TMEM163: variants seen among roughly 807,000 people sequenced by gnomAD.
The protein encoded by TMEM163 is transmembrane protein 163.
In TMEM163, 17 loss-of-function variants were observed where a neutral mutation model predicts 29.3. That is an observed-to-expected ratio of 0.58 (90% CI 0.40 to 0.87). TMEM163 has a LOEUF of 0.87. TMEM163 is among the 40% of genes least tolerant of loss of function. The pLI, the probability that TMEM163 is intolerant of heterozygous loss-of-function variation, is 0.00. For synonymous variants in TMEM163, 157 were observed against 160.6 expected (o/e 0.98, Z 0.17); for missense variants, 303 against 381.5 (o/e 0.79, Z 1.71).
At chr2:134,457,706 C>T (rs1292915386) in intron 7 of TMEM163, among the ~76,000 whole-genome samples, 2 of 152,198 alleles carry the variant, frequency 1.3e-5, no homozygotes, top group African/African-American at 4.8e-5. Flanking sequence ...AAGGTGCTTC[C>T]CTGGGGCATC....
intron 5 of TMEM163, among the ~76,000 whole-genome samples, chr2:134,477,157 G>A (rs989587279): frequency 2.0e-5 from 3 of 152,134 alleles, no homozygotes; most frequent in African/African-American, 4.8e-5. Context: ...TTTGTTGTCC[G>A]GCACGTGTCC....
chr2:134,508,748 C>T (rs767353551), intron 4 of TMEM163, among the ~76,000 whole-genome samples: 2 of 152,050 alleles, frequency 1.3e-5, no homozygotes, highest in African/African-American at 2.4e-5. Context: ...TTTCTTCCCT[C>T]AACTCTCCTG....
chr2:134,610,178 C>T (rs1471865724), intron 2 of TMEM163, among the ~76,000 whole-genome samples: 13 of 152,180 alleles, frequency 8.5e-5, no homozygotes, highest in African/African-American at 2.7e-4. Flanking sequence ...CACTGGTGAC[C>T]GGATGGACCC....
chr2:134,459,433 A>G (rs1354188807), intron 6 of TMEM163, among the ~76,000 whole-genome samples: 1 of 92,380 alleles, frequency 1.1e-5, no homozygotes, highest in Non-Finnish European at 2.0e-5. Context: ...CTGTTCCTGT[A>G]ACAGGAACAA....
At chr2:134,571,307 C>G (rs1460797848) in intron 2 of TMEM163, among the ~76,000 whole-genome samples, 1 of 152,170 alleles carries the variant, frequency 6.6e-6, no homozygotes, top group Non-Finnish European at 1.5e-5. Flanking sequence ...GCTTGTGTTT[C>G]TCACAATCAA....
At chr2:134,519,805 G>A (rs980674180) in intron 4 of TMEM163, among the ~76,000 whole-genome samples, 3 of 150,362 alleles carry the variant, frequency 2.0e-5, no homozygotes, top group Non-Finnish European at 4.4e-5. Flanking sequence ...CAGGAGAATC[G>A]CCTGAACCTG....
intron 4 of TMEM163, among the ~76,000 whole-genome samples, chr2:134,541,009 C>T (rs1680652127): frequency 6.6e-6 from 1 of 152,176 alleles, no homozygotes; most frequent in Non-Finnish European, 1.5e-5. Context: ...TAGACCAGTA[C>T]ATTAATTAAA....
chr2:134,675,549 T>C (rs1185435411), intron 2 of TMEM163, among the ~76,000 whole-genome samples: 1 of 152,118 alleles, frequency 6.6e-6, no homozygotes, highest in Non-Finnish European at 1.5e-5. Flanking sequence ...GCTCAGCTCA[T>C]AATATGAGAA....
intron 2 of TMEM163, among the ~76,000 whole-genome samples, chr2:134,573,850 C>T (rs1195077545): frequency 6.6e-6 from 1 of 152,246 alleles, no homozygotes; most frequent in Non-Finnish European, 1.5e-5. Context: ...GGCCATTCTG[C>T]TTGGGATGCA....
chr2:134,591,553 G>A (rs990356103), intron 2 of TMEM163, among the ~76,000 whole-genome samples: 3 of 152,108 alleles, frequency 2.0e-5, no homozygotes, highest in Non-Finnish European at 2.9e-5. Context: ...ATTTTACCCA[G>A]CCCCTATTAA....
intron 5 of TMEM163, among the ~76,000 whole-genome samples, chr2:134,502,110 G>A (rs936188714): frequency 1.2e-4 from 19 of 152,104 alleles, no homozygotes; most frequent in Non-Finnish European, 2.2e-4. Flanking sequence ...TTTTTCAAAA[G>A]TAAAATTAAA....
intron 2 of TMEM163, among the ~76,000 whole-genome samples, chr2:134,559,166 G>A (rs577080165): frequency 3.2e-4 from 48 of 152,090 alleles, no homozygotes; most frequent in Non-Finnish European, 5.6e-4. Context: ...ACGTTCAGAT[G>A]AGGCATGTGC....
chr2:134,537,490 C>T (rs1226675780), intron 4 of TMEM163, among the ~76,000 whole-genome samples: 1 of 152,170 alleles, frequency 6.6e-6, no homozygotes, highest in Non-Finnish European at 1.5e-5. Flanking sequence ...ATGGGGGCCC[C>T]AACCTCATAA....
chr2:134,668,442 C>T (rs1278196405), intron 2 of TMEM163, among the ~76,000 whole-genome samples: 3 of 152,098 alleles, frequency 2.0e-5, no homozygotes, highest in Non-Finnish European at 4.4e-5. Context: ...ATTCAAGTTC[C>T]TGAACCCAGA....
At chr2:134,588,552 C>G (rs573611805) in intron 2 of TMEM163, among the ~76,000 whole-genome samples, 1 of 152,174 alleles carries the variant, frequency 6.6e-6, no homozygotes, top group Non-Finnish European at 1.5e-5. Flanking sequence ...GTGCCATTAA[C>G]CAAGGCACAT....
At chr2:134,670,257 A>G (rs529004044) in intron 2 of TMEM163, among the ~76,000 whole-genome samples, 1 of 152,256 alleles carries the variant, frequency 6.6e-6, no homozygotes, top group East Asian at 1.9e-4. Flanking sequence ...TTTAAAAAAA[A>G]AAGTAAGAGT....
At chr2:134,690,061 G>C (rs1205800234) in intron 2 of TMEM163, among the ~76,000 whole-genome samples, 1 of 151,992 alleles carries the variant, frequency 6.6e-6, no homozygotes. Flanking sequence ...CTCTGAAATA[G>C]CTGGGACTAC....
chr2:134,696,476 G>A (rs1400259640), intron 2 of TMEM163, among the ~76,000 whole-genome samples: 1 of 152,116 alleles, frequency 6.6e-6, no homozygotes, highest in Non-Finnish European at 1.5e-5. Context: ...ATGTATTAGG[G>A]TTAATATAAG....
intron 2 of TMEM163, among the ~76,000 whole-genome samples, chr2:134,593,281 T>G (rs1042054872): frequency 1.3e-5 from 2 of 152,188 alleles, no homozygotes. Flanking sequence ...AGTTCCACTG[T>G]GATTCTAATT....
Sources: allele counts gnomAD v4.1 joint callset (sites outside exome capture counted in the v4.1 genomes callset), GRCh38; gene constraint gnomAD v4.1.1; transcripts MANE v1.5; gene names NCBI Gene and HGNC (gene_info 2026-07-23, HGNC 2026-07-21).